CPEB4: variants seen among roughly 807,000 people sequenced by gnomAD.
The protein encoded by CPEB4 is cytoplasmic polyadenylation element-binding protein 4.
A neutral mutation model predicts 72.5 loss-of-function variants in CPEB4; 12 were observed. That is an observed-to-expected ratio of 0.17 (90% confidence interval 0.11 to 0.27). The LOEUF is 0.27. Ranked by LOEUF, CPEB4 falls within the 10% of genes least tolerant of loss-of-function variation. The probability of loss-of-function intolerance (pLI) is 1.00; values close to 1 mark genes in which losing one functional copy is unlikely to be tolerated. For synonymous variants in CPEB4, 302 were observed against 326.3 expected, an observed-to-expected ratio of 0.93 and a Z score of 0.80; for missense variants, 614 against 908.5, an observed-to-expected ratio of 0.68 and a Z score of 4.17.
At chr5:173,898,995 A>G (rs1234348696) in intron 1 of CPEB4, among the ~76,000 whole-genome samples, 1 of 152,344 alleles carries the variant, frequency 6.6e-6, no homozygotes, top group South Asian at 2.1e-4. Flanking sequence ...ATAAAATACA[A>G]TTCCTAAAGT....
intron 1 of CPEB4, among the ~76,000 whole-genome samples, chr5:173,902,646 T>A (rs1233547820): frequency 6.6e-6 from 1 of 151,760 alleles, no homozygotes; most frequent in Non-Finnish European, 1.5e-5. Context: ...CATTCTCTAA[T>A]GAAAATAAGC....
intron 4 of CPEB4, among the ~76,000 whole-genome samples, chr5:173,944,438 G>A (rs550998758): frequency 6.9e-6 from 1 of 144,504 alleles, no homozygotes; most frequent in African/African-American, 2.6e-5. Context: ...TTATGCCACT[G>A]TACTCCAGCC....
rs1480706372 is a variant in CPEB4, at chr5:173,960,780, A to AT, written c.*4645dup. ...GAAAACAAGTCTCTTTTGACTTCCA[A>AT]TTCCCAGTTCCTCCATAGACCTTAA... On this transcript the variant is annotated 3_prime_UTR_variant, in exon 10 of 10. Coordinates refer to ENST00000265085, the MANE Select transcript of CPEB4 (RefSeq NM_030627.4). 1 of 152,188 alleles carries AT rather than the reference A, an allele frequency of 6.6e-6. No individual in the cohort carries two copies. The highest frequency in any genetic ancestry group is 1.5e-5 in the Non-Finnish European group (1 of 68,032). The allele number at this position is 152,188 out of a possible 1,614,324, so 9.4% of individuals were successfully genotyped here.
Position 173,949,608 on chromosome 5 carries a change from A to G in CPEB4, c.1546+11A>G, listed in dbSNP as rs1048426081. On this transcript the variant is annotated intron_variant, in intron 6 of 9. Coordinates refer to ENST00000265085, the MANE Select transcript of CPEB4 (RefSeq NM_030627.4). ...ATTTTCCTCCTAAAGGTAATTCTCA[A>G]GATTCATTATACTTATGTAATTTAT... The G allele has an allele frequency of 2.6e-6, 4 of 1,543,926 alleles. No homozygotes were observed. Among genetic ancestry groups the G allele is most frequent in the Admixed American group, 1.7e-5 (1 of 59,330 alleles).
chr5:173,892,227 G>A (rs1755837456), intron 1 of CPEB4, among the ~76,000 whole-genome samples: 1 of 148,222 alleles, frequency 6.7e-6, no homozygotes, highest in African/African-American at 2.5e-5. Context: ...CAGGTGCAGT[G>A]CATCTTAAAA....
intron 2 of CPEB4, among the ~76,000 whole-genome samples, chr5:173,929,920 A>T (rs1757380317): frequency 6.6e-6 from 1 of 152,136 alleles, no homozygotes; most frequent in South Asian, 2.1e-4. Context: ...TTTTATGATA[A>T]ATGAAAGTGT....
chr5:173,889,581 T>C lies in CPEB4; in HGVS notation c.-153T>C. 1.6e-6 allele frequency: 1 copy of C among 627,864 alleles called. No homozygotes were observed. The highest frequency in any genetic ancestry group is 2.7e-6 in the Non-Finnish European group (1 of 365,320). The allele number at this position is 627,864 out of a possible 1,614,324, so 38.9% of individuals were successfully genotyped here. ...AGACCAGAATTCCAAATCAGAACAATTTAAGGTGATAAGCTGCGATCTTTG... is the reference window on the plus strand; with the variant it reads ...AGACCAGAATTCCAAATCAGAACAACTTAAGGTGATAAGCTGCGATCTTTG... On this transcript the variant is annotated 5_prime_UTR_variant, in exon 1 of 10. Transcript: ENST00000265085.
At chr5:173,952,020 T>C in intron 8 of CPEB4, 82 bp downstream of exon 8, 1 of 921,844 alleles carries the variant, frequency 1.1e-6, no homozygotes, top group Non-Finnish European at 1.8e-6. Context: ...TCCTAAGAAT[T>C]GGAGTTAATA....
chr5:173,933,068 G>T (rs1289221708), intron 3 of CPEB4, among the ~76,000 whole-genome samples: 1 of 152,204 alleles, frequency 6.6e-6, no homozygotes, highest in African/African-American at 2.4e-5. Context: ...GTTTCACCAG[G>T]AGGAGGGAAT....
At position 173,895,823 on chromosome 5, in the gene CPEB4, TTTTTTC is replaced by T. The variant is rs533259232; in HGVS notation, c.1125+4979_1125+4984del. 7.9e-4 allele frequency among the ~76,000 whole-genome samples: 120 copies of T among 152,282 alleles called. 2 individuals are homozygous for T. The highest frequency in any genetic ancestry group is 1.4e-3 in the Non-Finnish European group (95 of 68,006). Reference sequence around the variant, plus strand: ...ATTAAAACTAATTCCAGGGTAGAGTTTTTTTCTTTTTCTTTTTCTATCTTCAGAGAA... The same window carrying T: ...ATTAAAACTAATTCCAGGGTAGAGTTTTTTTCTTTTTCTATCTTCAGAGAA... On this transcript the variant is annotated intron_variant, in intron 1 of 9. Transcript: ENST00000265085.
In CPEB4 at chr5:173,888,383, C is replaced by T. The variant is rs2113103940; in HGVS notation, c.-1351C>T. On this transcript the variant is annotated 5_prime_UTR_variant, in exon 1 of 10. Coordinates refer to ENST00000265085, the MANE Select transcript of CPEB4 (RefSeq NM_030627.4). The surrounding 1 kb of genome is among the most constrained non-coding windows in gnomAD (Gnocchi z 4.3). Reference sequence around the variant, plus strand: ...GGTCCTGAGGAGAAGGACTCAGCCGCGGCTGCGGGACCCGGGCACCGGGAG... The same window carrying T: ...GGTCCTGAGGAGAAGGACTCAGCCGTGGCTGCGGGACCCGGGCACCGGGAG... 1 of 448,546 alleles carries T rather than the reference C, an allele frequency of 2.2e-6. No homozygotes were observed. The highest frequency in any genetic ancestry group is 3.8e-6 in the Non-Finnish European group (1 of 260,240). 27.8% of individuals were successfully genotyped at this position (448,546 alleles called of 1,614,324 possible). A position where few individuals can be genotyped will look rare whatever the true frequency, so the allele number is the denominator to read the frequency against.
Position 173,890,444 on chromosome 5 carries a change from T to C in CPEB4, c.711T>C (p.Pro237=). Residue 237 remains proline (P), a synonymous_variant, in exon 1 of 10, where the codon CCT becomes CCC. Coordinates refer to ENST00000265085, the MANE Select transcript of CPEB4 (RefSeq NM_030627.4). The stretch of plus-strand genomic sequence containing the variant: ...TCTCACAGCACCACCCACATCACCC[T>C]CATTTCCAGCATCATCACAGCCAGC... The part of the protein sequence containing the change: ...GPLSQHHPHH[P]HFQHHHSQHQ... The C allele has an allele frequency of 6.2e-7, 1 of 1,612,814 alleles. No individual in the cohort carries two copies. The highest frequency in any genetic ancestry group is 8.5e-7 in the Non-Finnish European group (1 of 1,179,284).
chr5:173,954,904 CTCT>C (rs1056403568), intron 9 of CPEB4, among the ~76,000 whole-genome samples: 3 of 151,986 alleles, frequency 2.0e-5, no homozygotes, highest in Non-Finnish European at 4.4e-5. Flanking sequence ...CTTCGTGACA[CTCT>C]TCTTCTCCTT....
At position 173,947,552 on chromosome 5, in the gene CPEB4, T is replaced by C. The variant is rs533726272; in HGVS notation, c.1457-1956T>C. On this transcript the variant is annotated intron_variant, in intron 5 of 9. Coordinates refer to ENST00000265085, the MANE Select transcript of CPEB4 (RefSeq NM_030627.4). ...AATTAATAAATGTCTTTACAGGTAT[T>C]GGGAGCTAGGTTTCTCCCTGCAAAA... Among the ~76,000 whole-genome samples, 23 of 152,288 alleles carry C rather than the reference T, an allele frequency of 1.5e-4. No homozygotes were observed. The East Asian group carries it at 4.4e-3, about 29-fold the overall frequency.
In CPEB4 at chr5:173,888,853, C is replaced by T. The variant is rs1455152032; in HGVS notation, c.-881C>T. ...TCGGTCCCCGCACCCCCAGGCCGCCCGCTCACCCTCGTCGAGTCTCGCTAA... is the reference window on the plus strand; with the variant it reads ...TCGGTCCCCGCACCCCCAGGCCGCCTGCTCACCCTCGTCGAGTCTCGCTAA... On this transcript the variant is annotated 5_prime_UTR_variant, in exon 1 of 10. Coordinates refer to ENST00000265085, the MANE Select transcript of CPEB4 (RefSeq NM_030627.4). This position sits in a 1 kb window ranked among gnomAD's most constrained non-coding sequence, Gnocchi z 4.3. The T allele has an allele frequency of 3.2e-5, 9 of 277,428 alleles. No individual in the cohort carries two copies. The highest frequency in any genetic ancestry group is 6.7e-6 in the Non-Finnish European group (1 of 150,238). The allele number at this position is 277,428 out of a possible 1,614,324, so 17.2% of individuals were successfully genotyped here.
At chr5:173,936,399 A>G (rs1757622224) in intron 3 of CPEB4, among the ~76,000 whole-genome samples, 5 of 152,182 alleles carry the variant, frequency 3.3e-5, no homozygotes, top group Admixed American at 3.3e-4. Context: ...CACCCAAGTG[A>G]CCTCATTTAA....
Position 173,910,621 on chromosome 5 carries a change from A to G in CPEB4, c.1207+17A>G. The stretch of plus-strand genomic sequence containing the variant: ...CCATTAAAGGTAAGTTTAGAAATAT[A>G]CCCAATTGATTTCAGACAATAGTTT... On this transcript the variant is annotated intron_variant, in intron 2 of 9. Coordinates refer to ENST00000265085, the MANE Select transcript of CPEB4 (RefSeq NM_030627.4). The G allele has an allele frequency of 6.9e-7, 1 of 1,453,766 alleles. No individual in the cohort carries two copies. The highest frequency in any genetic ancestry group is 9.7e-7 in the Non-Finnish European group (1 of 1,034,796). The allele number at this position is 1,453,766 out of a possible 1,614,324, so 90.1% of individuals were successfully genotyped here. A position where few individuals can be genotyped will look rare whatever the true frequency, so the allele number is the denominator to read the frequency against.
intron 1 of CPEB4, chr5:173,892,915 G>T: frequency 6.6e-6 from 1 of 151,712 alleles, no homozygotes; most frequent in Admixed American, 6.6e-5. Context: ...GGAAAAGGAT[G>T]GTCAGTGTAC....
At chr5:173,907,211 G>A (rs1356884634) in intron 1 of CPEB4, among the ~76,000 whole-genome samples, 1 of 152,148 alleles carries the variant, frequency 6.6e-6, no homozygotes, top group African/African-American at 2.4e-5. Flanking sequence ...AGGTTGCAGT[G>A]AGCCTAGATC....
Sources: gnomAD v4.1 joint callset for allele counts (sites outside exome capture counted in the v4.1 genomes callset) on GRCh38, gnomAD v4.1.1 for gene constraint, Gnocchi (gnomAD v3.1) non-coding constraint, MANE v1.5 for transcripts, NCBI Gene and HGNC (gene_info 2026-07-23, HGNC 2026-07-21) for gene names.